Variants in POLA1 observed in about 807,000 individuals in gnomAD.
The protein encoded by POLA1 is DNA polymerase alpha catalytic subunit.
POLA1 carries 15 observed loss-of-function variants against 124.0 expected under a neutral mutation model. The ratio of observed to expected loss-of-function variants is 0.12; its 90% confidence interval spans 0.08 to 0.19. The LOEUF is 0.19. POLA1 is among the 10% of genes least tolerant of loss of function. The pLI, the probability that POLA1 is intolerant of heterozygous loss-of-function variation, is 1.00. For missense variants in POLA1, 886 were observed against 1,103.4 expected (o/e 0.80, Z 2.79); for synonymous variants, 408 against 389.4 (o/e 1.05, Z -0.56).
chrX:24,886,912 G>C (rs1266067824), intron 34 of POLA1, among the ~76,000 whole-genome samples: 1 of 111,436 alleles, frequency 9.0e-6, no homozygotes, highest in African/African-American at 3.3e-5. Context: ...TTCAAGACCG[G>C]TTCAGAAGTT....
chrX:24,864,607 A>G (rs1024567571), intron 34 of POLA1, among the ~76,000 whole-genome samples: 2 of 111,323 alleles, frequency 1.8e-5, no homozygotes, highest in African/African-American at 6.5e-5. Flanking sequence ...TTTTCACACA[A>G]CTGCTGGGAT....
intron 32 of POLA1, among the ~76,000 whole-genome samples, chrX:24,835,662 T>C (rs2046332845): frequency 9.0e-6 from 1 of 110,779 alleles, no homozygotes; most frequent in African/African-American, 3.3e-5. Context: ...GATCACATCC[T>C]GGTGGTATCT....
rs1008355336 is a variant in POLA1, at chrX:24,972,028, G to A, written c.4262-23777G>A. On this transcript the variant is annotated intron_variant, in intron 36 of 36. Coordinates refer to ENST00000379068, the MANE Select transcript of POLA1 (RefSeq NM_001330360.2). ...TTATCACCCAGGCTGGAGTGCAATG[G>A]CACGTTCTTGGCTCACTGCAACCTC... is the stretch of plus-strand genomic sequence containing the variant. Among the ~76,000 whole-genome samples the A allele has an allele frequency of 7.4e-5, 8 of 108,338 alleles. No individual in the cohort carries two copies. In the East Asian group the frequency reaches 2.3e-3, roughly 31 times the overall value. 94.1% of individuals were successfully genotyped at this position (108,338 alleles called of 115,157 possible).
At chrX:24,942,843 G>A (rs927159280) in intron 36 of POLA1, among the ~76,000 whole-genome samples, 3 of 111,785 alleles carry the variant, frequency 2.7e-5, no homozygotes, top group South Asian at 3.7e-4. Flanking sequence ...CTGCAGGTGC[G>A]TGCCACCACG....
At chrX:24,927,926 A>C (rs1327654427) in intron 35 of POLA1, among the ~76,000 whole-genome samples, 1 of 112,038 alleles carries the variant, frequency 8.9e-6, no homozygotes, top group Non-Finnish European at 1.9e-5. Context: ...TTTTTTAAAA[A>C]ACAAAAAATC....
At chrX:24,875,054 A>T (rs762664477) in intron 34 of POLA1, among the ~76,000 whole-genome samples, 4 of 111,459 alleles carry the variant, frequency 3.6e-5, no homozygotes, top group African/African-American at 1.3e-4. Flanking sequence ...GGATGTTGCA[A>T]TCACTCGTAG....
At chrX:24,902,287 G>A (rs2047292511) in intron 35 of POLA1, among the ~76,000 whole-genome samples, 1 of 112,257 alleles carries the variant, frequency 8.9e-6, no homozygotes, top group African/African-American at 3.2e-5. Flanking sequence ...GTGAAGTTGA[G>A]GAGGCAGAAA....
chrX:24,827,428 C>T (rs1260027423), intron 32 of POLA1, among the ~76,000 whole-genome samples: 1 of 112,092 alleles, frequency 8.9e-6, no homozygotes, highest in African/African-American at 3.2e-5. Context: ...GTAAGTCAAG[C>T]CCAGGTGCCA....
In POLA1 at chrX:24,713,210, G is replaced by A. The variant is rs181116439; in HGVS notation, c.347-1344G>A. On this transcript the variant is annotated intron_variant, in intron 4 of 36. Coordinates refer to ENST00000379068, the MANE Select transcript of POLA1 (RefSeq NM_001330360.2). Reference sequence around the variant, plus strand: ...GAACTCCTGACCTCGTGATCTGCCTGCCTCGGCCTCCCAAAGTGCTGGGAT... The same window carrying A: ...GAACTCCTGACCTCGTGATCTGCCTACCTCGGCCTCCCAAAGTGCTGGGAT... 5.2e-3 allele frequency among the ~76,000 whole-genome samples: 578 copies of A among 111,328 alleles called. 3 individuals are homozygous for A. The highest frequency in any genetic ancestry group is 9.2e-3 in the Middle Eastern group (2 of 217).
At chrX:24,862,891 G>A (rs1330457055) in intron 34 of POLA1, among the ~76,000 whole-genome samples, 1 of 111,958 alleles carries the variant, frequency 8.9e-6, no homozygotes, top group Non-Finnish European at 1.9e-5. Flanking sequence ...CTAATTACCA[G>A]GCTGCTGAAT....
At chrX:24,927,377 A>G (rs2047709904) in intron 35 of POLA1, among the ~76,000 whole-genome samples, 1 of 111,791 alleles carries the variant, frequency 8.9e-6, no homozygotes, top group Admixed American at 9.5e-5. Context: ...GTATTAAAGC[A>G]TTTTCCTTTT....
chrX:24,955,874 C>A (rs1346887682), intron 36 of POLA1, among the ~76,000 whole-genome samples: 2 of 112,128 alleles, frequency 1.8e-5, no homozygotes, highest in Non-Finnish European at 3.8e-5. Flanking sequence ...TTTTCAATAA[C>A]AAGAGACACC....
At chrX:24,947,944 G>A (rs931755460) in intron 36 of POLA1, among the ~76,000 whole-genome samples, 31 of 112,200 alleles carry the variant, frequency 2.8e-4, no homozygotes, top group African/African-American at 9.7e-4. Flanking sequence ...GAGACTGAGC[G>A]AGTTAGAAAA....
intron 35 of POLA1, among the ~76,000 whole-genome samples, chrX:24,920,455 G>A (rs2047600631): frequency 9.0e-6 from 1 of 111,542 alleles, no homozygotes; most frequent in Admixed American, 9.5e-5. Flanking sequence ...GGTACCAGGT[G>A]CATATGAATG....
chrX:24,727,179 TTC>T (rs1411316509), intron 14 of POLA1, 108 bp downstream of exon 14: 5 of 650,163 alleles, frequency 7.7e-6, no homozygotes, highest in Non-Finnish European at 1.2e-5. Context: ...CTACTTCCTT[TTC>T]TGTTTGTTTC....
At chrX:24,944,503 A>G (rs1313906235) in intron 36 of POLA1, among the ~76,000 whole-genome samples, 2 of 111,818 alleles carry the variant, frequency 1.8e-5, no homozygotes, top group Non-Finnish European at 3.8e-5. Context: ...ACTCTGAATC[A>G]GGAAACTTTT....
chrX:24,893,215 C>G (rs1474629200), intron 35 of POLA1, among the ~76,000 whole-genome samples: 1 of 111,201 alleles, frequency 9.0e-6, no homozygotes, highest in Non-Finnish European at 1.9e-5. Context: ...AGAACTATGA[C>G]CTAAAGTCTT....
intron 36 of POLA1, among the ~76,000 whole-genome samples, chrX:24,931,880 A>G (rs2047786240): frequency 8.9e-6 from 1 of 111,981 alleles, no homozygotes; most frequent in Middle Eastern, 4.7e-3. Context: ...ATATCAGTAT[A>G]TTAGAACCTG....
chrX:24,913,108 C>G (rs2047473750), intron 35 of POLA1, among the ~76,000 whole-genome samples: 2 of 111,900 alleles, frequency 1.8e-5, no homozygotes, highest in Non-Finnish European at 3.8e-5. Context: ...AAACTGGAAA[C>G]AACTGTAAAG....
Sources: gnomAD v4.1 joint callset for allele counts (sites outside exome capture counted in the v4.1 genomes callset) on GRCh38, gnomAD v4.1.1 for gene constraint, MANE v1.5 for transcripts, NCBI Gene and HGNC (gene_info 2026-07-23, HGNC 2026-07-21) for gene names.